The following HCN1 variants were observed in gnomAD, a reference collection of about 807,000 sequenced individuals.
The protein encoded by HCN1 is potassium/sodium hyperpolarization-activated cyclic nucleotide-gated channel 1.
A neutral mutation model predicts 78.9 loss-of-function variants in HCN1; 13 were observed. The observed-to-expected ratio is 0.16, with a 90% CI of 0.11 to 0.26. The LOEUF is 0.26. Among genes scored for constraint, HCN1 ranks in the 10% least tolerant of loss-of-function variants. The pLI, the probability that HCN1 is intolerant of heterozygous loss-of-function variation, is 1.00. For synonymous variants in HCN1, 552 were observed against 455.5 expected, an observed-to-expected ratio of 1.21 and a Z score of -2.70; for missense variants, 810 against 1,154.3, an observed-to-expected ratio of 0.70 and a Z score of 4.32.
chr5:45,560,357 A>G (rs1743571758), intron 2 of HCN1, among the ~76,000 whole-genome samples: 1 of 152,092 alleles, frequency 6.6e-6, no homozygotes, highest in African/African-American at 2.4e-5. Context: ...GTGATTAAGC[A>G]AAAAGATAAC....
chr5:45,671,178 G>A (rs1387373315), intron 1 of HCN1, among the ~76,000 whole-genome samples: 3 of 151,012 alleles, frequency 2.0e-5, no homozygotes, highest in East Asian at 3.9e-4. Flanking sequence ...TGTTATCATC[G>A]ATGTTCTGTC....
At chr5:45,384,636 G>C (rs555011541) in intron 4 of HCN1, among the ~76,000 whole-genome samples, 1 of 152,106 alleles carries the variant, frequency 6.6e-6, no homozygotes, top group African/African-American at 2.4e-5. Context: ...TTTACGGATG[G>C]AAAAAAATCT....
At chr5:45,295,748 C>G (rs1292646051) in intron 6 of HCN1, among the ~76,000 whole-genome samples, 3 of 151,964 alleles carry the variant, frequency 2.0e-5, no homozygotes. Context: ...GTGAAAAGAG[C>G]ATTCCTCAGC....
At chr5:45,307,744 A>G (rs2111911267) in intron 5 of HCN1, among the ~76,000 whole-genome samples, 1 of 152,216 alleles carries the variant, frequency 6.6e-6, no homozygotes, top group East Asian at 1.9e-4. Context: ...CCTGGATGGG[A>G]TCCTAGGATA....
chr5:45,319,817 T>C (rs1746085619), intron 5 of HCN1, among the ~76,000 whole-genome samples: 1 of 151,858 alleles, frequency 6.6e-6, no homozygotes, highest in Non-Finnish European at 1.5e-5. Context: ...TCTGAAACTT[T>C]AAGAAATTTT....
At chr5:45,409,254 A>G (rs1462823710) in intron 3 of HCN1, among the ~76,000 whole-genome samples, 1 of 151,984 alleles carries the variant, frequency 6.6e-6, no homozygotes, top group African/African-American at 2.4e-5. Flanking sequence ...TAAATTTCTT[A>G]CCGATGTGTG....
chr5:45,632,902 G>A (rs1375164873), intron 2 of HCN1, among the ~76,000 whole-genome samples: 1 of 152,022 alleles, frequency 6.6e-6, no homozygotes, highest in African/African-American at 2.4e-5. Context: ...TTTTGAATAA[G>A]GTAAGTGTTT....
chr5:45,265,207 A>T (rs1744833325), intron 7 of HCN1, among the ~76,000 whole-genome samples: 1 of 151,912 alleles, frequency 6.6e-6, no homozygotes, highest in Non-Finnish European at 1.5e-5. Context: ...AAAAAAAATT[A>T]ACTGCAATAA....
intron 2 of HCN1, among the ~76,000 whole-genome samples, chr5:45,491,697 C>T (rs1233579735): frequency 6.6e-6 from 1 of 152,100 alleles, no homozygotes; most frequent in African/African-American, 2.4e-5. Flanking sequence ...AATTCCAACA[C>T]TTCGTGTCCT....
rs1743009101 is a variant in HCN1, at chr5:45,538,121, T to C, written c.850-76114A>G. On this transcript the variant is annotated intron_variant, in intron 2 of 7. Coordinates refer to ENST00000303230, the MANE Select transcript of HCN1 (RefSeq NM_021072.4). ...TAATGCCACTAACTGATTTCTAAAG[T>C]ATTCCTAATTCTAGGTGAGCTTTCA... 2.0e-5 allele frequency among the ~76,000 whole-genome samples: 3 copies of C among 152,016 alleles called. No individual in the cohort carries two copies. In the South Asian group the frequency reaches 6.2e-4, roughly 32 times the overall value.
intron 3 of HCN1, among the ~76,000 whole-genome samples, chr5:45,425,636 G>C (rs1474836518): frequency 1.3e-5 from 2 of 152,142 alleles, no homozygotes; most frequent in African/African-American, 4.8e-5. Flanking sequence ...AAAGGACTAA[G>C]TAATGAAGTA....
At chr5:45,290,361 C>T (rs61304607) in intron 6 of HCN1, among the ~76,000 whole-genome samples, 3,833 of 152,106 alleles carry the variant, frequency 0.025, 176 homozygotes, top group African/African-American at 0.088. Flanking sequence ...TAATTACCTT[C>T]CAGAGGCCCC....
intron 5 of HCN1, among the ~76,000 whole-genome samples, chr5:45,344,681 T>C (rs561139747): frequency 6.6e-6 from 1 of 152,192 alleles, no homozygotes; most frequent in Non-Finnish European, 1.5e-5. Flanking sequence ...TTTGACTCCA[T>C]GTCTCACATC....
chr5:45,484,128 C>T (rs533435050), intron 2 of HCN1, among the ~76,000 whole-genome samples: 20 of 152,122 alleles, frequency 1.3e-4, no homozygotes, highest in African/African-American at 4.8e-4. Context: ...CATTTTTCTG[C>T]AAAATAAAGA....
intron 2 of HCN1, chr5:45,480,005 G>C (rs1384913056): frequency 6.6e-6 from 1 of 152,450 alleles, no homozygotes; most frequent in East Asian, 1.9e-4. Context: ...ATTTTCTCTG[G>C]AATTAAGTAA....
intron 1 of HCN1, among the ~76,000 whole-genome samples, chr5:45,677,359 A>G (rs1739584418): frequency 6.6e-6 from 1 of 151,824 alleles, no homozygotes; most frequent in Non-Finnish European, 1.5e-5. Flanking sequence ...CAAATTGCCT[A>G]TCTGTAGAGC....
intron 3 of HCN1, among the ~76,000 whole-genome samples, chr5:45,447,881 GAT>G (rs144291227): frequency 0.094 from 13,990 of 148,420 alleles, 867 homozygotes; most frequent in Middle Eastern, 0.17. Context: ...TATATTTTAT[GAT>G]ATATATATAT....
At position 45,372,116 on chromosome 5, in the gene HCN1, T is replaced by A. The variant is rs1208906298; in HGVS notation, c.1231-18870A>T. Among the ~76,000 whole-genome samples the A allele has an allele frequency of 8.3e-4, 43 of 51,602 alleles. 1 individual carries two copies. Among genetic ancestry groups the A allele is most frequent in the Non-Finnish European group, 1.1e-3 (37 of 33,668 alleles). 33.9% of individuals were successfully genotyped at this position (51,602 alleles called of 152,430 possible). On this transcript the variant is annotated intron_variant, in intron 4 of 7. Transcript: ENST00000303230. ...ATATATATTTTATATATAATATAAT[T>A]ATATATTATATATATAATATAATAA...
intron 2 of HCN1, among the ~76,000 whole-genome samples, chr5:45,634,678 AAT>A (rs1415995270): frequency 1.3e-5 from 2 of 152,034 alleles, no homozygotes; most frequent in Non-Finnish European, 2.9e-5. Flanking sequence ...TTCTACAACA[AAT>A]ATGTGTCAGG....
Sources: gnomAD v4.1 joint callset for allele counts (sites outside exome capture counted in the v4.1 genomes callset) on GRCh38, gnomAD v4.1.1 for gene constraint, MANE v1.5 for transcripts, NCBI Gene and HGNC (gene_info 2026-07-23, HGNC 2026-07-21) for gene names.